Variants in NOVA1 observed in about 807,000 individuals in gnomAD.
NOVA1 encodes RNA-binding protein Nova-1.
Under a neutral mutation model 38.0 loss-of-function variants are expected in NOVA1, and 7 were observed. The observed-to-expected ratio is 0.18, with a 90% CI of 0.10 to 0.35. NOVA1 has a LOEUF of 0.35. NOVA1 is among the 10% of genes least tolerant of loss of function. The pLI, the probability that NOVA1 is intolerant of heterozygous loss-of-function variation, is 1.00. For synonymous variants in NOVA1, 270 were observed against 232.5 expected (o/e 1.16, Z -1.47); for missense variants, 460 against 616.0 (o/e 0.75, Z 2.68).
chr14:26,448,238 C>T lies in NOVA1; in HGVS notation c.1245G>A (p.Lys415=), dbSNP rs768157265. Residue 415 remains lysine (K), a synonymous_variant, in exon 5 of 5, where the codon AAG becomes AAA. Transcript: ENST00000539517. This position sits in a 1 kb window ranked among gnomAD's most constrained non-coding sequence, Gnocchi z 5.3. ...CTACATCCTTGGATCCATCTGTGGA[C>T]TTTTCTGTTCCTAGAATGGCACTGG... is the stretch of plus-strand genomic sequence containing the variant. The part of the protein sequence containing the change: ...LAASAILGTE[K]STDGSKDVVE... The T allele has an allele frequency of 2.5e-6, 4 of 1,614,118 alleles. No individual in the cohort carries two copies. The highest frequency in any genetic ancestry group is 2.7e-5 in the African/African-American group (2 of 74,942).
At position 26,461,621 on chromosome 14, in the gene NOVA1, A is replaced by G. The variant is rs527609661; in HGVS notation, c.519+10699T>C. 8.3e-4 allele frequency among the ~76,000 whole-genome samples: 126 copies of G among 152,136 alleles called. 3 individuals carry two copies. In the South Asian group the frequency reaches 0.013, roughly 15 times the overall value. On this transcript the variant is annotated intron_variant, in intron 4 of 4. Coordinates refer to ENST00000539517, the MANE Select transcript of NOVA1 (RefSeq NM_002515.3). ...CATAATTTTTGGCAAGAATATTGCTAAACGACCTTAAAAACTCCTAATGTA... is the reference window on the plus strand; with the variant it reads ...CATAATTTTTGGCAAGAATATTGCTGAACGACCTTAAAAACTCCTAATGTA...
intron 2 of NOVA1, among the ~76,000 whole-genome samples, chr14:26,547,161 A>G (rs1890843687): frequency 6.6e-6 from 1 of 152,214 alleles, no homozygotes; most frequent in Non-Finnish European, 1.5e-5. Flanking sequence ...ATAACCTATA[A>G]TTTATTTCTG....
chr14:26,462,962 G>T (rs1052280283), intron 4 of NOVA1, among the ~76,000 whole-genome samples: 2 of 152,076 alleles, frequency 1.3e-5, no homozygotes, highest in Non-Finnish European at 2.9e-5. Context: ...CATATTCCTT[G>T]TCATCACTCT....
At chr14:26,574,377 G>A (rs575936660) in intron 2 of NOVA1, among the ~76,000 whole-genome samples, 1 of 149,812 alleles carries the variant, frequency 6.7e-6, no homozygotes, top group African/African-American at 2.5e-5. Context: ...ATAGAAACGA[G>A]TATCATAAAA....
At chr14:26,471,986 A>G (rs1884620670) in intron 4 of NOVA1, 3 of 363,420 alleles carry the variant, frequency 8.3e-6, no homozygotes, top group East Asian at 4.1e-5. Context: ...CTTAACTTAC[A>G]TATGAAAAAT....
chr14:26,543,146 T>C (rs1890574145), intron 2 of NOVA1, among the ~76,000 whole-genome samples: 1 of 152,002 alleles, frequency 6.6e-6, no homozygotes, highest in Admixed American at 6.6e-5. Flanking sequence ...AAATTTCACA[T>C]ATTCCCCATA....
chr14:26,465,214 G>A (rs1884015936), intron 4 of NOVA1, among the ~76,000 whole-genome samples: 1 of 152,006 alleles, frequency 6.6e-6, no homozygotes, highest in South Asian at 2.1e-4. Flanking sequence ...TTGCTCTGTT[G>A]CCCAGGCTGG....
chr14:26,468,337 T>C (rs2138237068), intron 4 of NOVA1, among the ~76,000 whole-genome samples: 1 of 150,988 alleles, frequency 6.6e-6, no homozygotes, highest in South Asian at 2.1e-4. Context: ...CTCACAAAAA[T>C]TGAATGCTGC....
intron 2 of NOVA1, among the ~76,000 whole-genome samples, chr14:26,516,906 CTT>C (rs1179556122): frequency 1.5e-5 from 2 of 135,598 alleles, no homozygotes; most frequent in Admixed American, 7.7e-5. Context: ...GACTTTGCCT[CTT>C]TTTTTTTTTT....
chr14:26,518,735 CA>C (rs1352112904), intron 2 of NOVA1, among the ~76,000 whole-genome samples: 1 of 151,916 alleles, frequency 6.6e-6, no homozygotes, highest in African/African-American at 2.4e-5. Flanking sequence ...AATAGAACAC[CA>C]GAACTTATTC....
chr14:26,480,248 T>C, intron 2 of NOVA1, 105 bp from the exon 3 acceptor site: 1 of 909,446 alleles, frequency 1.1e-6, no homozygotes, highest in Non-Finnish European at 1.6e-6. Flanking sequence ...AATGCAGAAC[T>C]CTAACGTAAA....
chr14:26,539,058 A>G lies in NOVA1; in HGVS notation c.280+56352T>C, dbSNP rs185479797. On this transcript the variant is annotated intron_variant, in intron 2 of 4. Transcript: ENST00000539517. ...CCTAGCTAAAATATACCCCCAAGAT[A>G]TTTTATACCATGCCCTTATTTCTTA... Among the ~76,000 whole-genome samples the G allele has an allele frequency of 2.6e-5, 4 of 152,238 alleles. No individual in the cohort carries two copies. In the East Asian group the frequency reaches 7.7e-4, roughly 29 times the overall value.
chr14:26,450,918 G>C (rs1218943828), intron 4 of NOVA1, among the ~76,000 whole-genome samples: 2 of 151,996 alleles, frequency 1.3e-5, no homozygotes, highest in Non-Finnish European at 2.9e-5. Flanking sequence ...TCACGGACTG[G>C]CAAACTGCAG....
intron 2 of NOVA1, among the ~76,000 whole-genome samples, chr14:26,482,009 A>AAC (rs1336252317): frequency 9.0e-6 from 1 of 111,260 alleles, no homozygotes; most frequent in Non-Finnish European, 2.1e-5. Context: ...AAAAAAAAAA[A>AAC]AAAAACATGG....
intron 2 of NOVA1, among the ~76,000 whole-genome samples, chr14:26,560,154 G>T (rs1191485625): frequency 6.6e-6 from 1 of 151,774 alleles, no homozygotes. Context: ...TGCCTGAAAG[G>T]TACATGAATT....
intron 2 of NOVA1, among the ~76,000 whole-genome samples, chr14:26,526,492 C>A (rs1449662462): frequency 6.6e-6 from 1 of 152,036 alleles, no homozygotes. Flanking sequence ...ACAAAATATA[C>A]TTTTATTTAT....
chr14:26,456,446 G>A (rs1883184482), intron 4 of NOVA1, among the ~76,000 whole-genome samples: 1 of 151,812 alleles, frequency 6.6e-6, no homozygotes, highest in Non-Finnish European at 1.5e-5. Context: ...TATTTAGGGG[G>A]AAGTAAAAGT....
At chr14:26,562,034 G>T (rs1891861704) in intron 2 of NOVA1, among the ~76,000 whole-genome samples, 1 of 152,074 alleles carries the variant, frequency 6.6e-6, no homozygotes, top group Non-Finnish European at 1.5e-5. Context: ...CCATGTATTT[G>T]TGTATGCTGA....
chr14:26,457,120 A>C (rs1213055330), intron 4 of NOVA1, among the ~76,000 whole-genome samples: 2 of 152,046 alleles, frequency 1.3e-5, no homozygotes, highest in Non-Finnish European at 2.9e-5. Context: ...TTTTAAAAGC[A>C]GTGTAACAAA....
Sources: gnomAD v4.1 joint callset for allele counts (sites outside exome capture counted in the v4.1 genomes callset) on GRCh38, gnomAD v4.1.1 for gene constraint, Gnocchi (gnomAD v3.1) non-coding constraint, MANE v1.5 for transcripts, NCBI Gene and HGNC (gene_info 2026-07-23, HGNC 2026-07-21) for gene names.